Variants in FRAS1 observed in about 807,000 individuals in gnomAD.
The protein encoded by FRAS1 is Fraser extracellular matrix complex subunit 1, also known as extracellular matrix organizing protein FRAS1.
A neutral mutation model predicts 435.2 loss-of-function variants in FRAS1; 290 were observed. That is an observed-to-expected ratio of 0.67 (90% confidence interval 0.61 to 0.73). FRAS1 has a LOEUF of 0.73. FRAS1 is among the 30% of genes least tolerant of loss of function. The pLI is 0.00. For missense variants in FRAS1, 4,860 were observed against 5,001.5 expected (o/e 0.97, Z 0.85); for synonymous variants, 1,800 against 1,851.0 (o/e 0.97, Z 0.71).
At chr4:78,504,081 C>T (rs572992174) in intron 61 of FRAS1, among the ~76,000 whole-genome samples, 148 of 152,282 alleles carry the variant, frequency 9.7e-4, no homozygotes, top group Non-Finnish European at 1.5e-3. Context: ...GTCTGAGAGA[C>T]AGTTTGTTGT....
At chr4:78,276,791 A>G (rs371353929) in intron 9 of FRAS1, among the ~76,000 whole-genome samples, 1 of 152,352 alleles carries the variant, frequency 6.6e-6, no homozygotes, top group South Asian at 2.1e-4. Context: ...CAGTCTGTCC[A>G]TTCTCAGATC....
chr4:78,407,640 CTA>C, intron 30 of FRAS1, 21 bp from the exon 31 acceptor site: 1 of 1,587,502 alleles, frequency 6.3e-7, no homozygotes, highest in Non-Finnish European at 8.6e-7. Context: ...CCCTCACTAA[CTA>C]TGTGGCCTGT....
intron 14 of FRAS1, among the ~76,000 whole-genome samples, chr4:78,307,630 T>C (rs1328767829): frequency 6.6e-6 from 1 of 152,232 alleles, no homozygotes; most frequent in East Asian, 1.9e-4. Context: ...AGGTGCCGTC[T>C]GTCACCCCTG....
At chr4:78,474,330 A>T (rs1014706846) in intron 53 of FRAS1, among the ~76,000 whole-genome samples, 1 of 152,230 alleles carries the variant, frequency 6.6e-6, no homozygotes, top group Non-Finnish European at 1.5e-5. Flanking sequence ...ATTATAATTT[A>T]TGTGGGGGAA....
At chr4:78,120,869 G>C (rs1718975863) in intron 2 of FRAS1, among the ~76,000 whole-genome samples, 1 of 152,310 alleles carries the variant, frequency 6.6e-6, no homozygotes, top group African/African-American at 2.4e-5. Flanking sequence ...CAAATCTGGA[G>C]TAGTGATACA....
At chr4:78,079,945 C>T (rs1023016587) in intron 2 of FRAS1, among the ~76,000 whole-genome samples, 1 of 152,140 alleles carries the variant, frequency 6.6e-6, no homozygotes, top group Non-Finnish European at 1.5e-5. Flanking sequence ...CATTTGGAGG[C>T]AGCTTGGCTT....
intron 14 of FRAS1, among the ~76,000 whole-genome samples, chr4:78,304,418 T>C (rs974544708): frequency 1.7e-4 from 26 of 152,326 alleles, no homozygotes; most frequent in Non-Finnish European, 2.6e-4. Flanking sequence ...TTGGAATAGT[T>C]TCAGAAGGAA....
In FRAS1 at chr4:78,058,000, C is replaced by T. The variant is rs372008113; in HGVS notation, c.-10C>T. The T allele has an allele frequency of 3.1e-6, 5 of 1,613,520 alleles. No individual in the cohort carries two copies. The highest frequency in any genetic ancestry group is 2.2e-5 in the East Asian group (1 of 44,882). ...GGCTGGGCTCCTCCATCGTGGGTGC[C>T]GAGGCGGCGATGGGTGTCCTCAAAG... On this transcript the variant is annotated 5_prime_UTR_variant, in exon 1 of 74. It introduces an in-frame stop codon into an upstream open reading frame of the 5' UTR. Transcript: ENST00000512123. This position sits in a 1 kb window ranked among gnomAD's most constrained non-coding sequence, Gnocchi z 4.2.
At chr4:78,220,579 T>C (rs1400586067) in intron 2 of FRAS1, among the ~76,000 whole-genome samples, 4 of 152,230 alleles carry the variant, frequency 2.6e-5, no homozygotes, top group African/African-American at 9.6e-5. Flanking sequence ...GTAGTGGCGA[T>C]TTTTCTGTAT....
At position 78,449,146 on chromosome 4, in the gene FRAS1, C is replaced by T. The variant is rs116023905; in HGVS notation, c.6274+830C>T. On this transcript the variant is annotated intron_variant, in intron 44 of 73. Coordinates refer to ENST00000512123, the MANE Select transcript of FRAS1 (RefSeq NM_025074.7). ...ATACAAGATTCCTCCATCAGAAATA[C>T]GGCACTCTTGTTACTTATAGCACAG... 1.7e-3 allele frequency among the ~76,000 whole-genome samples: 258 copies of T among 152,250 alleles called. 3 individuals are homozygous for T. The highest frequency in any genetic ancestry group is 5.3e-3 in the African/African-American group (220 of 41,550).
At chr4:78,300,956 C>G (rs1728364594) in intron 14 of FRAS1, among the ~76,000 whole-genome samples, 1 of 152,184 alleles carries the variant, frequency 6.6e-6, no homozygotes, top group African/African-American at 2.4e-5. Context: ...ATTGCAGAGC[C>G]CTTTTTAGCA....
At chr4:78,194,244 G>T (rs1232470535) in intron 2 of FRAS1, among the ~76,000 whole-genome samples, 36 of 152,170 alleles carry the variant, frequency 2.4e-4, no homozygotes, top group Admixed American at 4.6e-4. Flanking sequence ...CTGACAGTTA[G>T]GTATCTTGGA....
intron 58 of FRAS1, among the ~76,000 whole-genome samples, chr4:78,488,230 G>T (rs1418934753): frequency 7.2e-5 from 11 of 152,144 alleles, no homozygotes; most frequent in Non-Finnish European, 5.9e-5. Flanking sequence ...AAATAGTTTT[G>T]GCTTATACAA....
chr4:78,237,434 CT>C, intron 2 of FRAS1, 75 bp from the exon 3 acceptor site: 1 of 965,320 alleles, frequency 1.0e-6, no homozygotes, highest in South Asian at 1.4e-5. Flanking sequence ...GGATGTGGGA[CT>C]ATTGATGGTG....
At chr4:78,138,684 C>T (rs187844492) in intron 2 of FRAS1, among the ~76,000 whole-genome samples, 1 of 152,226 alleles carries the variant, frequency 6.6e-6, no homozygotes, top group East Asian at 1.9e-4. Flanking sequence ...TTCAGTATCT[C>T]TCCCCTAGGG....
Position 78,245,266 on chromosome 4 carries a change from T to G in FRAS1, c.250T>G (p.Cys84Gly). ...GCTTCAAATAGCTGCCAACCAATGC[T>G]GTCCTGAGTGTGTTTTGAGGACTCC... ...EVLQIAANQC[C>G]PECVLRTPGS... is the part of the protein sequence containing the mutation. The change falls in exon 4 of 74, where the codon TGT (cysteine) becomes GGT (glycine). Residue 84 changes from cysteine (C) to glycine (G), a missense_variant. By Grantham distance (159) the Cys-to-Gly change is radical. Coordinates refer to ENST00000512123, the MANE Select transcript of FRAS1 (RefSeq NM_025074.7). The G allele has an allele frequency of 6.2e-7, 1 of 1,609,418 alleles. No homozygotes were observed. Among genetic ancestry groups the G allele is most frequent in the Admixed American group, 1.7e-5 (1 of 59,476 alleles).
chr4:78,162,525 G>A (rs1721184917), intron 2 of FRAS1, among the ~76,000 whole-genome samples: 1 of 152,218 alleles, frequency 6.6e-6, no homozygotes, highest in South Asian at 2.1e-4. Context: ...TGAAGATTGA[G>A]TGTGATGGGT....
At chr4:78,102,121 A>T (rs1255660803) in intron 2 of FRAS1, among the ~76,000 whole-genome samples, 1 of 151,750 alleles carries the variant, frequency 6.6e-6, no homozygotes, top group Non-Finnish European at 1.5e-5. Context: ...GAATATGGTG[A>T]TTTTTTTTTA....
intron 9 of FRAS1, among the ~76,000 whole-genome samples, chr4:78,276,844 T>C (rs1727067338): frequency 6.6e-6 from 1 of 152,226 alleles, no homozygotes; most frequent in South Asian, 2.1e-4. Context: ...TTCAAAGCTG[T>C]CAGACAGGGA....
Sources: gnomAD v4.1 joint callset for allele counts (sites outside exome capture counted in the v4.1 genomes callset) on GRCh38, gnomAD v4.1.1 for gene constraint, Gnocchi (gnomAD v3.1) non-coding constraint, MANE v1.5 for transcripts, NCBI Gene and HGNC (gene_info 2026-07-23, HGNC 2026-07-21) for gene names.